Variants in DHRS3 observed in about 807,000 individuals in gnomAD.
DHRS3 encodes dehydrogenase/reductase 3.
Under a neutral mutation model 27.2 loss-of-function variants are expected in DHRS3, and 14 were observed. The observed-to-expected ratio is 0.52, with a 90% CI of 0.34 to 0.81. The LOEUF is 0.81. Ranked by LOEUF, DHRS3 falls within the 30% of genes least tolerant of loss-of-function variation. The pLI is 0.01. For missense variants in DHRS3, 322 were observed against 406.2 expected (o/e 0.79, Z 1.78); for synonymous variants, 165 against 175.9 (o/e 0.94, Z 0.49).
In DHRS3 at chr1:12,606,550, C is replaced by T. The variant is rs182665707; in HGVS notation, c.195+10604G>A. 1.7e-3 allele frequency among the ~76,000 whole-genome samples: 258 copies of T among 152,074 alleles called. 1 individual carries two copies. Among genetic ancestry groups the T allele is most frequent in the African/African-American group, 5.5e-3 (229 of 41,480 alleles). On this transcript the variant is annotated intron_variant, in intron 1 of 5. Coordinates refer to ENST00000616661, the MANE Select transcript of DHRS3 (RefSeq NM_004753.7). Reference sequence around the variant, plus strand: ...TGTTGTCCAGGCTGGAGTGCAATGACGTGATCTTGGCTCACGGCAACCTCC... The same window carrying T: ...TGTTGTCCAGGCTGGAGTGCAATGATGTGATCTTGGCTCACGGCAACCTCC...
At chr1:12,603,602 C>A (rs1646850145) in intron 1 of DHRS3, among the ~76,000 whole-genome samples, 1 of 152,060 alleles carries the variant, frequency 6.6e-6, no homozygotes, top group Non-Finnish European at 1.5e-5. Context: ...CTGAGGTCCG[C>A]ATGGGGACCG....
chr1:12,568,539 C>T, intron 5 of DHRS3, 115 bp from the exon 6 acceptor site: 1 of 917,082 alleles, frequency 1.1e-6, no homozygotes, highest in Admixed American at 1.9e-5. Context: ...TGAAAGTGCT[C>T]CCCACACCTC....
intron 1 of DHRS3, among the ~76,000 whole-genome samples, chr1:12,613,231 A>G (rs74055589): frequency 7.4e-4 from 112 of 152,182 alleles, no homozygotes; most frequent in African/African-American, 2.4e-3. Context: ...GTGGAGAGGA[A>G]CCCAGAACCC....
rs1336542045 is a variant in DHRS3 at position 12,617,462 on chromosome 1, C to G, written c.-114G>C. 1.0e-6 allele frequency: 1 copy of G among 961,298 alleles called. No homozygotes were observed. The highest frequency in any genetic ancestry group is 1.7e-5 in the African/African-American group (1 of 57,342). The allele number at this position is 961,298 out of a possible 1,614,324, so 59.5% of individuals were successfully genotyped here. A position where few individuals can be genotyped will look rare whatever the true frequency, so the allele number is the denominator to read the frequency against. The stretch of plus-strand genomic sequence containing the variant: ...ACCGAATAAGGAGGAGAGAGGCGTC[C>G]CACCTGGCCACTCTTGAAATCACCT... On this transcript the variant is annotated 5_prime_UTR_variant, in exon 1 of 6. Transcript: ENST00000616661.
At chr1:12,605,661 G>A (rs1646865736) in intron 1 of DHRS3, among the ~76,000 whole-genome samples, 1 of 152,034 alleles carries the variant, frequency 6.6e-6, no homozygotes, top group Admixed American at 6.6e-5. Context: ...TGACTAAATG[G>A]GATCTAGTTT....
At chr1:12,581,400 T>C (rs535127812) in intron 1 of DHRS3, among the ~76,000 whole-genome samples, 1 of 152,278 alleles carries the variant, frequency 6.6e-6, no homozygotes, top group African/African-American at 2.4e-5. Flanking sequence ...GCTGGTAGCA[T>C]AGATGGGACC....
At chr1:12,616,507 GA>G in intron 1 of DHRS3, 5 of 959,754 alleles carry the variant, frequency 5.2e-6, no homozygotes, top group Non-Finnish European at 6.2e-6. Context: ...TACTGGGGGG[GA>G]GGGGACAGGG....
At position 12,594,297 on chromosome 1, in the gene DHRS3, C is replaced by T. The variant is rs1032602665; in HGVS notation, c.196-13631G>A. 3.9e-5 allele frequency among the ~76,000 whole-genome samples: 6 copies of T among 152,228 alleles called. No homozygotes were observed. The highest frequency in any genetic ancestry group is 1.4e-4 in the African/African-American group (6 of 41,466). ...CCTGCCTCATTCATTCATTCAAGGA[C>T]TATTTGTGGAATTGTGTGCACCAGG... On this transcript the variant is annotated intron_variant, in intron 1 of 5. Coordinates refer to ENST00000616661, the MANE Select transcript of DHRS3 (RefSeq NM_004753.7). This position sits in a 1 kb window ranked among gnomAD's most constrained non-coding sequence, Gnocchi z 4.1.
At chr1:12,590,039 C>T (rs1646732237) in intron 1 of DHRS3, among the ~76,000 whole-genome samples, 2 of 152,044 alleles carry the variant, frequency 1.3e-5, no homozygotes, top group African/African-American at 4.8e-5. Context: ...TCCATCCTTC[C>T]ACCTTACTTA....
At chr1:12,613,485 A>C (rs2100728914) in intron 1 of DHRS3, among the ~76,000 whole-genome samples, 1 of 152,334 alleles carries the variant, frequency 6.6e-6, no homozygotes, top group South Asian at 2.1e-4. Context: ...AGGTTTGCTA[A>C]GCTAGGTCTC....
At chr1:12,596,861 C>G (rs530133048) in intron 1 of DHRS3, among the ~76,000 whole-genome samples, 2 of 152,296 alleles carry the variant, frequency 1.3e-5, no homozygotes, top group African/African-American at 4.8e-5. Flanking sequence ...ACGGGGAGAA[C>G]TTGGAGACCC....
chr1:12,591,159 T>C lies in DHRS3; in HGVS notation c.196-10493A>G, dbSNP rs1177580732. Reference sequence around the variant, plus strand: ...ATATCTGTTGCTGTACTAATAAAAATAGTAACAGCTAGCATTTATTGGTGT... The same window carrying C: ...ATATCTGTTGCTGTACTAATAAAAACAGTAACAGCTAGCATTTATTGGTGT... On this transcript the variant is annotated intron_variant, in intron 1 of 5. Transcript: ENST00000616661. The surrounding 1 kb of genome is among the most constrained non-coding windows in gnomAD (Gnocchi z 4.1). Among the ~76,000 whole-genome samples, 2 of 152,172 alleles carry C rather than the reference T, an allele frequency of 1.3e-5. No individual in the cohort carries two copies. Among genetic ancestry groups the C allele is most frequent in the African/African-American group, 4.8e-5 (2 of 41,444 alleles).
intron 1 of DHRS3, among the ~76,000 whole-genome samples, chr1:12,611,976 C>A (rs548068106): frequency 1.9e-5 from 2 of 102,804 alleles, no homozygotes; most frequent in Admixed American, 9.3e-5. Flanking sequence ...CAGTCTCTGG[C>A]CTCCTGCACA....
rs11540058 is a variant in DHRS3 at position 12,580,622 on chromosome 1, C to T, written c.240G>A (p.Thr80=). 0.19 allele frequency: 302,227 copies of T among 1,613,930 alleles called. 31,081 individuals carry two copies. The highest frequency in any genetic ancestry group is 0.21 in the Non-Finnish European group (253,045 of 1,179,950). Residue 80 remains threonine, a synonymous_variant, in exon 2 of 6, where the codon ACG becomes ACA. Transcript: ENST00000616661. ...GRTEKCLKET[T]EEIRQMGTEC... ...CAGTGCCCATCTGCCGGATCTCCTC[C>T]GTCGTCTCCTTCAGGCATTTCTCAG...
Position 12,617,307 on chromosome 1 carries a change from T to C in DHRS3, c.42A>G (p.Leu14=). The C allele has an allele frequency of 1.9e-6, 3 of 1,611,302 alleles. No individual in the cohort carries two copies. Among genetic ancestry groups the C allele is most frequent in the Non-Finnish European group, 2.5e-6 (3 of 1,178,210 alleles). ...KRLGALVMFP[L]QMIYLVVKAA... is the part of the protein sequence containing the mutation. ...CTTTCACCACCAGATAGATCATCTG[T>C]AGAGGGAACATCACCAGCGCGCCCA... is the stretch of plus-strand genomic sequence containing the variant. Residue 14 remains leucine, a synonymous_variant, in exon 1 of 6, where the codon CTA becomes CTG. Coordinates refer to ENST00000616661, the MANE Select transcript of DHRS3 (RefSeq NM_004753.7).
At chr1:12,590,865 A>G (rs1344388859) in intron 1 of DHRS3, among the ~76,000 whole-genome samples, 1 of 152,218 alleles carries the variant, frequency 6.6e-6, no homozygotes. Context: ...AAACTGATCC[A>G]CAATGATCAG....
At position 12,598,618 on chromosome 1, in the gene DHRS3, G is replaced by T. The variant is rs1165133758; in HGVS notation, c.196-17952C>A. Among the ~76,000 whole-genome samples the T allele has an allele frequency of 4.6e-5, 7 of 152,268 alleles. No individual in the cohort carries two copies. The East Asian group carries it at 1.4e-3, about 29-fold the overall frequency. On this transcript the variant is annotated intron_variant, in intron 1 of 5. Coordinates refer to ENST00000616661, the MANE Select transcript of DHRS3 (RefSeq NM_004753.7). ...TGTGGTAACTATCACTGTGATTACG[G>T]GTGGCTGCCCTAGACCTTGCTGTGG...
intron 1 of DHRS3, 130 bp downstream of exon 1, chr1:12,617,024 C>A: frequency 8.7e-7 from 1 of 1,154,610 alleles, no homozygotes; most frequent in Non-Finnish European, 1.2e-6. Context: ...GCTCAGCACT[C>A]GTGGGTGGCG....
chr1:12,588,419 C>T (rs1646716400), intron 1 of DHRS3, among the ~76,000 whole-genome samples: 1 of 152,180 alleles, frequency 6.6e-6, no homozygotes, highest in South Asian at 2.1e-4. Flanking sequence ...AGTGACTCAC[C>T]CAAGGTCATG....
Sources: allele counts gnomAD v4.1 joint callset (sites outside exome capture counted in the v4.1 genomes callset), GRCh38; gene constraint gnomAD v4.1.1; non-coding constraint Gnocchi (gnomAD v3.1); transcripts MANE v1.5; gene names NCBI Gene and HGNC (gene_info 2026-07-23, HGNC 2026-07-21).